The following PRTG variants were observed in gnomAD, a reference collection of about 807,000 sequenced individuals.
PRTG encodes protogenin, also known as immunoglobulin superfamily, DCC subclass, member 5.
Under a neutral mutation model 122.5 loss-of-function variants are expected in PRTG, and 67 were observed. The ratio of observed to expected loss-of-function variants is 0.55; its 90% confidence interval spans 0.45 to 0.67. PRTG has a LOEUF of 0.67. Among genes scored for constraint, PRTG ranks in the 30% least tolerant of loss-of-function variants. The pLI is 0.00. For missense variants in PRTG, 1,435 were observed against 1,415.4 expected (o/e 1.01, Z -0.22); for synonymous variants, 554 against 501.1 (o/e 1.11, Z -1.41).
rs758684540 is a variant in PRTG at position 55,638,690 on chromosome 15, T to C, written c.2325-14A>G. ...TGAGTTTCTGATCTATAATAACGAGTGATGAAGTTGTTAATGCTGGTAGTA... is the reference window on the plus strand; with the variant it reads ...TGAGTTTCTGATCTATAATAACGAGCGATGAAGTTGTTAATGCTGGTAGTA... On this transcript the variant is annotated splice_polypyrimidine_tract_variant and intron_variant, in intron 13 of 19. Transcript: ENST00000389286. The C allele has an allele frequency of 6.2e-7, 1 of 1,606,426 alleles. No individual in the cohort carries two copies. The highest frequency in any genetic ancestry group is 1.1e-5 in the South Asian group (1 of 89,672).
chr15:55,647,227 C>T (rs1411446584), intron 11 of PRTG, among the ~76,000 whole-genome samples: 1 of 151,946 alleles, frequency 6.6e-6, no homozygotes, highest in Non-Finnish European at 1.5e-5. Flanking sequence ...TTGCATGAGC[C>T]GAGATCACGC....
intron 11 of PRTG, among the ~76,000 whole-genome samples, chr15:55,664,258 C>T (rs1013046172): frequency 6.6e-6 from 1 of 152,146 alleles, no homozygotes; most frequent in Non-Finnish European, 1.5e-5. Context: ...TCTCCTGCCC[C>T]AGCCTTCCAT....
intron 2 of PRTG, among the ~76,000 whole-genome samples, chr15:55,685,855 G>T (rs774286063): frequency 2.4e-4 from 36 of 152,136 alleles, no homozygotes; most frequent in Admixed American, 1.3e-4. Context: ...TCGATATCAT[G>T]AATCTATGTT....
chr15:55,686,570 A>G (rs879655086), intron 2 of PRTG, among the ~76,000 whole-genome samples: 18 of 152,108 alleles, frequency 1.2e-4, no homozygotes, highest in Non-Finnish European at 2.1e-4. Context: ...TGTTCAATTC[A>G]GGCCCTTATC....
intron 5 of PRTG, 72 bp from the exon 6 acceptor site, chr15:55,680,284 C>A: frequency 1.6e-6 from 2 of 1,254,640 alleles, no homozygotes; most frequent in Non-Finnish European, 2.3e-6. Context: ...AGACCACTAT[C>A]CAAGCAATCA....
chr15:55,689,194 T>C (rs986852083), intron 2 of PRTG, among the ~76,000 whole-genome samples: 3 of 152,148 alleles, frequency 2.0e-5, no homozygotes, highest in Non-Finnish European at 2.9e-5. Context: ...CATCTATCCA[T>C]TCAAAGGCTT....
rs921807875 is a variant in PRTG, at chr15:55,612,593, T to G, written c.*7419A>C. ...GCAGAAATATTAAAATACTCCATAA[T>G]CTTGAAAAAGATCTTTTAGAGAAAA... On this transcript the variant is annotated 3_prime_UTR_variant, in exon 20 of 20. Coordinates refer to ENST00000389286, the MANE Select transcript of PRTG (RefSeq NM_173814.6). 3.3e-5 allele frequency: 5 copies of G among 151,342 alleles called. No homozygotes were observed. Among genetic ancestry groups the G allele is most frequent in the Admixed American group, 2.6e-4 (4 of 15,186 alleles). 9.4% of individuals were successfully genotyped at this position (151,342 alleles called of 1,614,324 possible). A position where few individuals can be genotyped will look rare whatever the true frequency, so the allele number is the denominator to read the frequency against.
At chr15:55,627,270 C>A in intron 16 of PRTG, 142 bp from the exon 17 acceptor site, 1 of 443,806 alleles carries the variant, frequency 2.3e-6, no homozygotes, top group South Asian at 4.1e-5. Flanking sequence ...GCAGAAAGGA[C>A]ACACAGTAAT....
In PRTG at chr15:55,637,209, C is replaced by G; in HGVS notation, c.2584G>C (p.Ala862Pro). The G allele has an allele frequency of 1.2e-6, 2 of 1,609,994 alleles. No homozygotes were observed. The highest frequency in any genetic ancestry group is 1.7e-4 in the Middle Eastern group (1 of 6,036). ...ACCTGCCACTCTCCTGCAATCCAGG[C>G]CTTCCTAGATGCATATAAGATAGTA... ...RYTILYASRKAWIAGEWQVLH... is the reference protein window; with the variant it reads ...RYTILYASRKPWIAGEWQVLH... The change falls in exon 15 of 20, where the codon GCC (alanine) becomes CCC (proline). Residue 862 changes from alanine to proline, a missense_variant. Ala to Pro is a conservative substitution (Grantham distance 27). Transcript: ENST00000389286.
intron 4 of PRTG, chr15:55,681,271 A>G (rs1265389089): frequency 2.6e-5 from 4 of 152,190 alleles, no homozygotes; most frequent in Admixed American, 6.5e-5. Context: ...CATTAAATAC[A>G]TAACTTCAGC....
intron 18 of PRTG, among the ~76,000 whole-genome samples, chr15:55,622,309 C>T (rs2059171022): frequency 6.6e-6 from 1 of 150,644 alleles, no homozygotes; most frequent in South Asian, 2.1e-4. Context: ...CCTCTGCCAC[C>T]TGGGTTCAAG....
At position 55,615,979 on chromosome 15, in the gene PRTG, C is replaced by T. The variant is rs773105681; in HGVS notation, c.*4033G>A. ...GCAGAAGTCCTTAACAAAGCCAAGA[C>T]AAACTGATGCAAACCTCTGTCATTG... On this transcript the variant is annotated 3_prime_UTR_variant, in exon 20 of 20. Coordinates refer to ENST00000389286, the MANE Select transcript of PRTG (RefSeq NM_173814.6). 4 of 152,072 alleles carry T rather than the reference C, an allele frequency of 2.6e-5. No individual in the cohort carries two copies. Among genetic ancestry groups the T allele is most frequent in the African/African-American group, 7.2e-5 (3 of 41,410 alleles). The allele number at this position is 152,072 out of a possible 1,614,324, so 9.4% of individuals were successfully genotyped here.
intron 2 of PRTG, among the ~76,000 whole-genome samples, chr15:55,706,014 A>ATTTTTTTTTTTTTTTTTTTTTT (rs56275705): frequency 3.2e-5 from 3 of 94,360 alleles, no homozygotes; most frequent in African/African-American, 1.4e-4. Context: ...TGCCCAGCTA[A>ATTTTTTTTTTTTTTTTTTTTTT]TTTTTTTTTT....
At chr15:55,623,338 C>T (rs1478873594) in intron 18 of PRTG, among the ~76,000 whole-genome samples, 5 of 152,098 alleles carry the variant, frequency 3.3e-5, no homozygotes, top group Admixed American at 6.5e-5. Flanking sequence ...GAGGCCAAGG[C>T]GGGCAGATCA....
chr15:55,674,941 T>C (rs752409317), intron 9 of PRTG, among the ~76,000 whole-genome samples: 10 of 152,136 alleles, frequency 6.6e-5, no homozygotes, highest in African/African-American at 1.9e-4. Context: ...TATCTTAATA[T>C]GGATGAAATT....
chr15:55,620,024 G>C lies in PRTG; in HGVS notation c.3441C>G (p.Pro1147=), dbSNP rs888804953. 1 of 1,614,110 alleles carries C rather than the reference G, an allele frequency of 6.2e-7. No homozygotes were observed. Among genetic ancestry groups the C allele is most frequent in the Non-Finnish European group, 8.5e-7 (1 of 1,179,994 alleles). The change falls in exon 20 of 20, where the codon CCC becomes CCG. Residue 1147 remains proline, a synonymous_variant. Coordinates refer to ENST00000389286, the MANE Select transcript of PRTG (RefSeq NM_173814.6). ...GCCAGTGAAAGAATCAGAGGTTGGG[G>C]GGTGTGGTACTTATAACTGAGGACA... is the stretch of plus-strand genomic sequence containing the variant. ...IHLSSVISTT[P]PNL
At chr15:55,621,923 A>G (rs1360594665) in intron 18 of PRTG, among the ~76,000 whole-genome samples, 3 of 152,156 alleles carry the variant, frequency 2.0e-5, no homozygotes, top group Non-Finnish European at 4.4e-5. Flanking sequence ...ACTTTTCTGT[A>G]TGTTTGAAAA....
At position 55,615,911 on chromosome 15, in the gene PRTG, C is replaced by A. The variant is rs1452706136; in HGVS notation, c.*4101G>T. On this transcript the variant is annotated 3_prime_UTR_variant, in exon 20 of 20. Coordinates refer to ENST00000389286, the MANE Select transcript of PRTG (RefSeq NM_173814.6). ...GTTTTCAAAGGTGTCTGCATAAGAACTTGAACAATGATCCTGGGTTGTCAA... is the reference window on the plus strand; with the variant it reads ...GTTTTCAAAGGTGTCTGCATAAGAAATTGAACAATGATCCTGGGTTGTCAA... 6.6e-6 allele frequency: 1 copy of A among 152,232 alleles called. No individual in the cohort carries two copies. Among genetic ancestry groups the A allele is most frequent in the East Asian group, 1.9e-4 (1 of 5,180 alleles). The allele number at this position is 152,232 out of a possible 1,614,324, so 9.4% of individuals were successfully genotyped here. A position where few individuals can be genotyped will look rare whatever the true frequency, so the allele number is the denominator to read the frequency against.
intron 8 of PRTG, among the ~76,000 whole-genome samples, chr15:55,677,404 AG>A (rs2059508784): frequency 1.3e-5 from 2 of 152,298 alleles, no homozygotes; most frequent in South Asian, 2.1e-4. Flanking sequence ...AAATATACAT[AG>A]TTTATTATTT....
Sources: gnomAD v4.1 joint callset for allele counts (sites outside exome capture counted in the v4.1 genomes callset) on GRCh38, gnomAD v4.1.1 for gene constraint, MANE v1.5 for transcripts, NCBI Gene and HGNC (gene_info 2026-07-23, HGNC 2026-07-21) for gene names.